VTA1: variants seen among roughly 807,000 people sequenced by gnomAD.
The protein encoded by VTA1 is vacuolar protein sorting-associated protein VTA1 homolog.
A neutral mutation model predicts 36.9 loss-of-function variants in VTA1; 24 were observed. The observed-to-expected ratio is 0.65, with a 90% CI of 0.47 to 0.91. VTA1 has a LOEUF of 0.91. VTA1 is among the 40% of genes least tolerant of loss of function. The probability of loss-of-function intolerance (pLI) is 0.00; values close to 1 mark genes in which losing one functional copy is unlikely to be tolerated. For synonymous variants in VTA1, 142 were observed against 130.2 expected (o/e 1.09, Z -0.62); for missense variants, 393 against 377.2 (o/e 1.04, Z -0.35).
intron 5 of VTA1, among the ~76,000 whole-genome samples, chr6:142,193,407 T>C (rs1775489983): frequency 6.6e-6 from 1 of 152,154 alleles, no homozygotes; most frequent in Non-Finnish European, 1.5e-5. Flanking sequence ...TGGAAGATAC[T>C]TTGATATTAT....
At chr6:142,207,920 C>T (rs1168882767) in intron 7 of VTA1, among the ~76,000 whole-genome samples, 2 of 151,816 alleles carry the variant, frequency 1.3e-5, no homozygotes, top group African/African-American at 4.8e-5. Flanking sequence ...CCTGTCTCTA[C>T]TGAAAATACA....
In VTA1 at chr6:142,219,637, C is replaced by G. The variant is rs1044565150; in HGVS notation, c.*994C>G. The G allele has an allele frequency of 1.3e-5, 2 of 152,086 alleles. No homozygotes were observed. The highest frequency in any genetic ancestry group is 4.8e-5 in the African/African-American group (2 of 41,430). 9.4% of individuals were successfully genotyped at this position (152,086 alleles called of 1,614,324 possible). Reference sequence around the variant, plus strand: ...ACAAATGTCTGTTTTTATTTGCCTGCTAGGATTGTCTTTTTTAAAAGTCAT... The same window carrying G: ...ACAAATGTCTGTTTTTATTTGCCTGGTAGGATTGTCTTTTTTAAAAGTCAT... On this transcript the variant is annotated 3_prime_UTR_variant, in exon 8 of 8. Coordinates refer to ENST00000367630, the MANE Select transcript of VTA1 (RefSeq NM_016485.5).
intron 1 of VTA1, among the ~76,000 whole-genome samples, chr6:142,154,324 A>G (rs2114629595): frequency 6.6e-6 from 1 of 152,142 alleles, no homozygotes; most frequent in East Asian, 1.9e-4. Flanking sequence ...TCCTTTTTTA[A>G]TGCTCAGTAG....
intron 6 of VTA1, among the ~76,000 whole-genome samples, chr6:142,202,414 G>A (rs1051950215): frequency 4.6e-5 from 7 of 151,804 alleles, no homozygotes; most frequent in African/African-American, 1.7e-4. Context: ...GCAAAAGATT[G>A]GAAATTAAAA....
intron 4 of VTA1, among the ~76,000 whole-genome samples, chr6:142,181,872 G>T (rs1775247743): frequency 6.6e-6 from 1 of 152,070 alleles, no homozygotes; most frequent in Non-Finnish European, 1.5e-5. Flanking sequence ...AATATAAAAG[G>T]ATTAAAATGT....
chr6:142,203,799 G>GC (rs1038573765), intron 6 of VTA1, among the ~76,000 whole-genome samples, 186 bp from the exon 7 acceptor site: 16 of 152,150 alleles, frequency 1.1e-4, no homozygotes, highest in African/African-American at 3.9e-4. Flanking sequence ...GAAATGCATA[G>GC]CCCATACACA....
rs1776111090 is a variant in VTA1, at chr6:142,221,596, G to A, written c.*2953G>A. On this transcript the variant is annotated 3_prime_UTR_variant, in exon 8 of 8. Coordinates refer to ENST00000367630, the MANE Select transcript of VTA1 (RefSeq NM_016485.5). ...TTGAAATAATCATATTGGCTCCTAT[G>A]TTGAGAATAGACCGTAAGGTGGGTG... 6.6e-6 allele frequency: 1 copy of A among 151,990 alleles called. No individual in the cohort carries two copies. Among genetic ancestry groups the A allele is most frequent in the African/African-American group, 2.4e-5 (1 of 41,392 alleles). The allele number at this position is 151,990 out of a possible 1,614,324, so 9.4% of individuals were successfully genotyped here. A position where few individuals can be genotyped will look rare whatever the true frequency, so the allele number is the denominator to read the frequency against.
rs1775005117 is a variant in VTA1, at chr6:142,170,360, CCTT to C, written c.353_355del (p.Phe118del). 1.4e-5 allele frequency: 23 copies of C among 1,607,106 alleles called. No individual in the cohort carries two copies. Among genetic ancestry groups the C allele is most frequent in the Non-Finnish European group, 1.8e-5 (21 of 1,176,614 alleles). On this transcript the variant is annotated inframe_deletion, in exon 4 of 8. Coordinates refer to ENST00000367630, the MANE Select transcript of VTA1 (RefSeq NM_016485.5). ...TTCTCTTCCAGAAACATGATCAAGT[CCTT>C]CTATACTGCAAGTCTTTTGATAGAT... is the stretch of plus-strand genomic sequence containing the variant.
At chr6:142,188,545 C>G (rs1289035117) in intron 4 of VTA1, among the ~76,000 whole-genome samples, 1 of 152,110 alleles carries the variant, frequency 6.6e-6, no homozygotes, top group African/African-American at 2.4e-5. Context: ...CTCTGGAACG[C>G]TAATGTGCGT....
At chr6:142,207,445 G>C (rs1775815657) in intron 7 of VTA1, among the ~76,000 whole-genome samples, 1 of 152,108 alleles carries the variant, frequency 6.6e-6, no homozygotes, top group African/African-American at 2.4e-5. Context: ...CAGAATGGCT[G>C]TTCAGCAGTA....
chr6:142,150,947 C>T (rs1046244354), intron 1 of VTA1, among the ~76,000 whole-genome samples: 1 of 151,774 alleles, frequency 6.6e-6, no homozygotes, highest in African/African-American at 2.4e-5. Flanking sequence ...TGAAAGGTTC[C>T]AAAAGAGCAT....
chr6:142,210,636 T>C (rs967574312), intron 7 of VTA1, among the ~76,000 whole-genome samples: 3 of 152,188 alleles, frequency 2.0e-5, no homozygotes, highest in Non-Finnish European at 4.4e-5. Flanking sequence ...ATTTCGTATA[T>C]GAAGAAATGC....
intron 7 of VTA1, among the ~76,000 whole-genome samples, chr6:142,212,675 A>G (rs1775927590): frequency 6.6e-6 from 1 of 152,216 alleles, no homozygotes; most frequent in Non-Finnish European, 1.5e-5. Context: ...ACACAGGCTT[A>G]ACAGTAAGCA....
intron 4 of VTA1, among the ~76,000 whole-genome samples, chr6:142,179,447 A>AG: frequency 6.6e-6 from 1 of 152,258 alleles, no homozygotes; most frequent in South Asian, 2.1e-4. Context: ...TATTCATAAT[A>AG]GCCCAAAGCT....
chr6:142,213,551 C>T (rs1775942883), intron 7 of VTA1, among the ~76,000 whole-genome samples: 1 of 152,256 alleles, frequency 6.6e-6, no homozygotes, highest in African/African-American at 2.4e-5. Context: ...CCCATATCTT[C>T]TCTGCACTGC....
rs1171806290 is a variant in VTA1 at position 142,147,300 on chromosome 6, G to A, written c.13G>A (p.Ala5Thr). The A allele has an allele frequency of 3.7e-6, 6 of 1,614,188 alleles. No individual in the cohort carries two copies. The Admixed American group carries it at 8.3e-5, about 22-fold the overall frequency. MAALAPLPPLPAQFK... is the reference protein window; with the variant it reads MAALTPLPPLPAQFK... ...GTTCGGAGTAGAGATGGCCGCGCTTGCACCGCTGCCCCCGCTCCCCGCACA... is the reference window on the plus strand; with the variant it reads ...GTTCGGAGTAGAGATGGCCGCGCTTACACCGCTGCCCCCGCTCCCCGCACA... The change falls in exon 1 of 8, where the codon GCA becomes ACA. Residue 5 changes from alanine to threonine, a missense_variant. Transcript: ENST00000367630.
At chr6:142,157,319 G>A (rs1472088739) in intron 1 of VTA1, among the ~76,000 whole-genome samples, 2 of 152,130 alleles carry the variant, frequency 1.3e-5, no homozygotes, top group Non-Finnish European at 2.9e-5. Context: ...ATAGACTAGA[G>A]TCTATAGTCT....
intron 7 of VTA1, among the ~76,000 whole-genome samples, chr6:142,207,002 T>G (rs1419692943): frequency 1.3e-5 from 2 of 152,160 alleles, no homozygotes; most frequent in Non-Finnish European, 2.9e-5. Flanking sequence ...AGTTCCAAAA[T>G]GGCAGTGTAG....
At chr6:142,187,824 A>G (rs1775368391) in intron 4 of VTA1, among the ~76,000 whole-genome samples, 1 of 152,046 alleles carries the variant, frequency 6.6e-6, no homozygotes, top group Non-Finnish European at 1.5e-5. Context: ...GACTCACATT[A>G]TAGAATACTC....
Sources: gnomAD v4.1 joint callset for allele counts (sites outside exome capture counted in the v4.1 genomes callset) on GRCh38, gnomAD v4.1.1 for gene constraint, MANE v1.5 for transcripts, NCBI Gene and HGNC (gene_info 2026-07-23, HGNC 2026-07-21) for gene names.